The following AGBL4 variants were observed in gnomAD, a reference collection of about 807,000 sequenced individuals.
AGBL4 encodes AGBL carboxypeptidase 4.
In AGBL4, 58 loss-of-function variants were observed where a neutral mutation model predicts 66.4. The ratio of observed to expected loss-of-function variants is 0.87; its 90% CI spans 0.71 to 1.09. AGBL4 has a LOEUF of 1.09. Ranked by LOEUF, AGBL4 falls within the 50% of genes least tolerant of loss-of-function variation. The pLI, the probability that AGBL4 is intolerant of heterozygous loss-of-function variation, is 0.00. For missense variants in AGBL4, 579 were observed against 631.0 expected (o/e 0.92, Z 0.88); for synonymous variants, 234 against 222.9 (o/e 1.05, Z -0.44).
At chr1:49,389,262 A>G (rs1644799574) in intron 3 of AGBL4, among the ~76,000 whole-genome samples, 1 of 152,046 alleles carries the variant, frequency 6.6e-6, no homozygotes, top group African/African-American at 2.4e-5. Flanking sequence ...ATGTGTAAAA[A>G]GAGACTCAGA....
At chr1:49,339,922 G>C (rs1420314474) in intron 3 of AGBL4, among the ~76,000 whole-genome samples, 1 of 152,104 alleles carries the variant, frequency 6.6e-6, no homozygotes, top group African/African-American at 2.4e-5. Context: ...ACTGTGGTAG[G>C]TATTGGTTGG....
chr1:49,692,535 G>A (rs1055931626), intron 3 of AGBL4, among the ~76,000 whole-genome samples: 1 of 152,156 alleles, frequency 6.6e-6, no homozygotes, highest in South Asian at 2.1e-4. Flanking sequence ...TGGCTAGCAC[G>A]GTGAAACCCC....
chr1:49,266,407 C>T (rs1482252246), intron 3 of AGBL4, among the ~76,000 whole-genome samples: 2 of 151,880 alleles, frequency 1.3e-5, no homozygotes, highest in Non-Finnish European at 1.5e-5. Flanking sequence ...AAAAAAAAAG[C>T]CTCTCTTTTC....
intron 3 of AGBL4, among the ~76,000 whole-genome samples, chr1:49,477,585 C>T (rs912451331): frequency 3.3e-5 from 5 of 152,028 alleles, no homozygotes; most frequent in Non-Finnish European, 5.9e-5. Flanking sequence ...CCTGGAAAGC[C>T]TTCCTGAGAA....
chr1:49,652,026 A>G (rs1231296206), intron 3 of AGBL4, among the ~76,000 whole-genome samples: 1 of 152,168 alleles, frequency 6.6e-6, no homozygotes, highest in Non-Finnish European at 1.5e-5. Flanking sequence ...GAAATGAAAA[A>G]TTCACTGAAT....
At chr1:49,185,665 G>GAAGT (rs1159661915) in intron 4 of AGBL4, among the ~76,000 whole-genome samples, 2 of 152,078 alleles carry the variant, frequency 1.3e-5, no homozygotes, top group Non-Finnish European at 2.9e-5. Context: ...AAACACGAAG[G>GAAGT]AAGTTCTTGC....
At chr1:49,012,529 C>A (rs1662520106) in intron 5 of AGBL4, among the ~76,000 whole-genome samples, 1 of 152,144 alleles carries the variant, frequency 6.6e-6, no homozygotes, top group African/African-American at 2.4e-5. Flanking sequence ...TTCACTCTTA[C>A]AGCATAATCC....
At chr1:48,645,572 C>T (rs1232043727) in intron 8 of AGBL4, among the ~76,000 whole-genome samples, 1 of 152,178 alleles carries the variant, frequency 6.6e-6, no homozygotes, top group East Asian at 1.9e-4. Context: ...CTGATGACCC[C>T]TTTCTATTCC....
intron 3 of AGBL4, among the ~76,000 whole-genome samples, chr1:49,396,792 C>T (rs1260513730): frequency 1.3e-5 from 2 of 152,122 alleles, no homozygotes; most frequent in Non-Finnish European, 2.9e-5. Context: ...CAGACATTTC[C>T]TCTTTCTGCA....
chr1:48,731,707 G>C (rs189154043), intron 6 of AGBL4, among the ~76,000 whole-genome samples: 23 of 152,324 alleles, frequency 1.5e-4, no homozygotes, highest in Admixed American at 7.2e-4. Context: ...AACAAGGCTT[G>C]TTCACGAAAT....
At chr1:49,074,580 GT>G (rs1644674870) in intron 4 of AGBL4, among the ~76,000 whole-genome samples, 1 of 152,114 alleles carries the variant, frequency 6.6e-6, no homozygotes, top group South Asian at 2.1e-4. Context: ...CCATTATCTT[GT>G]TTAACCTTCA....
At chr1:49,185,156 T>A (rs1463462418) in intron 4 of AGBL4, among the ~76,000 whole-genome samples, 1 of 152,126 alleles carries the variant, frequency 6.6e-6, no homozygotes, top group East Asian at 1.9e-4. Flanking sequence ...GTTTTCTTAG[T>A]CCATATTGTG....
intron 3 of AGBL4, among the ~76,000 whole-genome samples, chr1:49,655,884 A>G (rs1646118069): frequency 6.6e-6 from 1 of 152,076 alleles, no homozygotes; most frequent in South Asian, 2.1e-4. Context: ...CGTGGTGGCT[A>G]GTGCCTATAA....
intron 4 of AGBL4, among the ~76,000 whole-genome samples, chr1:49,127,556 A>G (rs921825646): frequency 6.6e-6 from 1 of 152,100 alleles, no homozygotes; most frequent in Non-Finnish European, 1.5e-5. Flanking sequence ...GCATGGGGTG[A>G]ACTTGAAATT....
At chr1:49,482,463 G>T (rs1646975806) in intron 3 of AGBL4, among the ~76,000 whole-genome samples, 1 of 151,696 alleles carries the variant, frequency 6.6e-6, no homozygotes, top group South Asian at 2.1e-4. Context: ...ATTTCTGTGG[G>T]GTCAGTGGTA....
At chr1:49,763,692 A>C (rs1394624420) in intron 2 of AGBL4, among the ~76,000 whole-genome samples, 1 of 152,206 alleles carries the variant, frequency 6.6e-6, no homozygotes, top group Non-Finnish European at 1.5e-5. Flanking sequence ...TTCTGGGCAC[A>C]GGATAACCTC....
chr1:49,924,635 GC>G (rs1446738662), intron 1 of AGBL4, among the ~76,000 whole-genome samples: 2 of 152,178 alleles, frequency 1.3e-5, no homozygotes, highest in Non-Finnish European at 2.9e-5. Context: ...CTTGCTATAT[GC>G]CAGGCATCAT....
intron 4 of AGBL4, among the ~76,000 whole-genome samples, chr1:49,127,722 T>C (rs906087080): frequency 1.3e-5 from 2 of 152,198 alleles, no homozygotes; most frequent in South Asian, 4.1e-4. Context: ...GGGTTATTCA[T>C]TGAAAACTCC....
intron 1 of AGBL4, among the ~76,000 whole-genome samples, chr1:49,897,022 C>A (rs1372732062): frequency 6.6e-6 from 1 of 151,870 alleles, no homozygotes; most frequent in African/African-American, 2.4e-5. Context: ...TTTAAAAAAA[C>A]TGAAAGTCTA....
Sources: allele counts gnomAD v4.1 joint callset (sites outside exome capture counted in the v4.1 genomes callset), GRCh38; gene constraint gnomAD v4.1.1; transcripts MANE v1.5; gene names NCBI Gene and HGNC (gene_info 2026-07-23, HGNC 2026-07-21).